CSMD1: variants seen among roughly 807,000 people sequenced by gnomAD.
CSMD1 encodes CUB and sushi domain-containing protein 1.
In CSMD1, 213 loss-of-function variants were observed where a neutral mutation model predicts 417.5. That is an observed-to-expected ratio of 0.51 (90% CI 0.46 to 0.57). The LOEUF is 0.57. Among genes scored for constraint, CSMD1 ranks in the 20% least tolerant of loss-of-function variants. The pLI is 0.00. For missense variants in CSMD1, 6,923 were observed against 4,529.7 expected (o/e 1.53, Z -15.17); for synonymous variants, 2,862 against 1,736.8 (o/e 1.65, Z -16.11).
At chr8:4,005,927 C>A (rs764056321) in intron 4 of CSMD1, among the ~76,000 whole-genome samples, 4 of 152,116 alleles carry the variant, frequency 2.6e-5, no homozygotes, top group African/African-American at 9.7e-5. Context: ...TTTGCAGAAC[C>A]ATGCATTTAT....
intron 2 of CSMD1, among the ~76,000 whole-genome samples, chr8:4,450,141 T>C (rs1799050464): frequency 6.6e-6 from 1 of 152,078 alleles, no homozygotes; most frequent in African/African-American, 2.4e-5. Context: ...GTTTTCCAAA[T>C]TACAACCCCA....
chr8:4,740,633 G>A (rs149719162), intron 1 of CSMD1, among the ~76,000 whole-genome samples: 40 of 152,308 alleles, frequency 2.6e-4, no homozygotes, highest in African/African-American at 8.4e-4. Context: ...ACACATCTAC[G>A]AGGAGTATGT....
chr8:3,146,499 G>C (rs1041929799), intron 40 of CSMD1, among the ~76,000 whole-genome samples: 2 of 152,056 alleles, frequency 1.3e-5, no homozygotes, highest in Non-Finnish European at 2.9e-5. Flanking sequence ...TTAAAAATAA[G>C]GAAACAAGTT....
chr8:3,500,999 G>T (rs940861671), intron 10 of CSMD1, among the ~76,000 whole-genome samples: 1 of 152,014 alleles, frequency 6.6e-6, no homozygotes, highest in African/African-American at 2.4e-5. Flanking sequence ...AAATATTGTT[G>T]CTACTTTGAT....
At chr8:3,590,912 A>T (rs558708620) in intron 8 of CSMD1, among the ~76,000 whole-genome samples, 1 of 152,216 alleles carries the variant, frequency 6.6e-6, no homozygotes, top group African/African-American at 2.4e-5. Context: ...TGTCGAATAT[A>T]TAATAAACTA....
At chr8:3,501,594 C>T (rs979689111) in intron 10 of CSMD1, among the ~76,000 whole-genome samples, 5 of 152,126 alleles carry the variant, frequency 3.3e-5, no homozygotes, top group African/African-American at 9.7e-5. Flanking sequence ...TCAGAACACA[C>T]TGGAAGGAAC....
intron 68 of CSMD1, among the ~76,000 whole-genome samples, chr8:2,948,509 A>C (rs1413701270): frequency 6.6e-6 from 1 of 152,156 alleles, no homozygotes. Flanking sequence ...TATAAGTCAA[A>C]CCTCTTTCCA....
At chr8:4,875,792 G>A (rs1162465335) in intron 1 of CSMD1, among the ~76,000 whole-genome samples, 6 of 151,520 alleles carry the variant, frequency 4.0e-5, no homozygotes. Context: ...AAGATATAAT[G>A]GTTTGTATAT....
chr8:3,591,304 T>C (rs1392478983), intron 8 of CSMD1, among the ~76,000 whole-genome samples: 2 of 152,214 alleles, frequency 1.3e-5, no homozygotes, highest in Non-Finnish European at 2.9e-5. Context: ...CTTCTGAAAT[T>C]GCTCCGTATT....
chr8:3,501,255 C>T (rs754106628), intron 10 of CSMD1, among the ~76,000 whole-genome samples: 3 of 152,152 alleles, frequency 2.0e-5, no homozygotes, highest in Non-Finnish European at 4.4e-5. Flanking sequence ...CTCACACACA[C>T]AGGCACAGAA....
intron 2 of CSMD1, among the ~76,000 whole-genome samples, chr8:4,575,949 A>C (rs1799116494): frequency 6.6e-6 from 1 of 152,196 alleles, no homozygotes; most frequent in Non-Finnish European, 1.5e-5. Context: ...CACATCACCA[A>C]ATCAAACTCG....
intron 10 of CSMD1, among the ~76,000 whole-genome samples, chr8:3,530,567 G>C (rs576982813): frequency 3.9e-5 from 6 of 152,266 alleles, no homozygotes; most frequent in African/African-American, 1.4e-4. Context: ...TGTTCCCCAA[G>C]CTGGAATGCA....
intron 3 of CSMD1, among the ~76,000 whole-genome samples, chr8:4,271,680 A>G (rs1804606615): frequency 2.0e-5 from 3 of 152,224 alleles, no homozygotes; most frequent in African/African-American, 4.8e-5. Context: ...TTTAAGGTAT[A>G]CATCACTATA....
rs117110708 is a variant in CSMD1, at chr8:3,027,585, G to C, written c.7855+1734C>G. Among the ~76,000 whole-genome samples, 312 of 152,298 alleles carry C rather than the reference G, an allele frequency of 2.0e-3. 1 individual carries two copies. The highest frequency in any genetic ancestry group is 0.015 in the South Asian group (71 of 4,826). ...CACGTGTACACGATGACATTCAAGG[G>C]ACAAATAGCAAAGTGTGATAGAACA... On this transcript the variant is annotated intron_variant, in intron 51 of 69. Transcript: ENST00000635120.
chr8:3,978,228 C>A (rs911379094), intron 5 of CSMD1, among the ~76,000 whole-genome samples: 8 of 152,174 alleles, frequency 5.3e-5, no homozygotes, highest in African/African-American at 1.9e-4. Flanking sequence ...CTAGGATTCC[C>A]AGCGCCTGGC....
chr8:4,886,094 G>A (rs375603686), intron 1 of CSMD1, among the ~76,000 whole-genome samples: 7 of 151,986 alleles, frequency 4.6e-5, no homozygotes, highest in South Asian at 4.2e-4. Flanking sequence ...AGGTTCAGAC[G>A]ATCCTCCTGC....
At position 3,732,590 on chromosome 8, in the gene CSMD1, T is replaced by C. The variant is rs150512288; in HGVS notation, c.931+21340A>G. ...GACTTTATGCCCAGGCAACGCACCA[T>C]GAAAGCTGCATTTCAGCAACCCTTG... On this transcript the variant is annotated intron_variant, in intron 6 of 69. Coordinates refer to ENST00000635120, the MANE Select transcript of CSMD1 (RefSeq NM_033225.6). 5.6e-3 allele frequency among the ~76,000 whole-genome samples: 851 copies of C among 152,344 alleles called. 5 individuals carry two copies. The highest frequency in any genetic ancestry group is 0.02 in the African/African-American group (815 of 41,580).
chr8:3,331,057 T>G (rs1025015654), intron 23 of CSMD1, among the ~76,000 whole-genome samples: 5 of 151,830 alleles, frequency 3.3e-5, no homozygotes, highest in Non-Finnish European at 4.4e-5. Context: ...GAGACCACAG[T>G]GAAACCCCAT....
chr8:3,735,628 G>C (rs886841861), intron 6 of CSMD1, among the ~76,000 whole-genome samples: 1 of 152,144 alleles, frequency 6.6e-6, no homozygotes, highest in Non-Finnish European at 1.5e-5. Flanking sequence ...AGGTAAGTCT[G>C]AATCTCTTGG....
Sources: allele counts gnomAD v4.1 joint callset (sites outside exome capture counted in the v4.1 genomes callset), GRCh38; gene constraint gnomAD v4.1.1; transcripts MANE v1.5; gene names NCBI Gene and HGNC (gene_info 2026-07-23, HGNC 2026-07-21).